Variants in TASP1 observed in about 807,000 individuals in gnomAD.
TASP1 encodes the protein taspase 1.
In TASP1, 16 loss-of-function variants were observed where a neutral mutation model predicts 56.6. The ratio of observed to expected loss-of-function variants is 0.28; its 90% CI spans 0.19 to 0.43. TASP1 has a LOEUF of 0.43. Among genes scored for constraint, TASP1 ranks in the 20% least tolerant of loss-of-function variants. TASP1 has a pLI of 1.00. For synonymous variants in TASP1, 179 were observed against 184.2 expected (o/e 0.97, Z 0.23); for missense variants, 393 against 511.6 (o/e 0.77, Z 2.24).
At chr20:13,185,973 C>G in the TASP1 span, among the ~76,000 whole-genome samples, 2 of 152,248 alleles carry the variant, frequency 1.3e-5, no homozygotes, top group South Asian at 4.1e-4. Flanking sequence ...ACTCCAAAAT[C>G]TGGGCATCCA....
At chr20:13,349,853 GT>G in the TASP1 span, among the ~76,000 whole-genome samples, 1 of 152,010 alleles carries the variant, frequency 6.6e-6, no homozygotes, top group Non-Finnish European at 1.5e-5. Flanking sequence ...AAATAATACG[GT>G]TTAAAAATTA....
At chr20:13,308,915 G>A in the TASP1 span, among the ~76,000 whole-genome samples, 4 of 152,110 alleles carry the variant, frequency 2.6e-5, no homozygotes, top group East Asian at 7.8e-4. Flanking sequence ...CACAAAATGA[G>A]AGGTCAGCAG....
At chr20:13,421,499 C>T (rs2091357412) in intron 12 of TASP1, among the ~76,000 whole-genome samples, 1 of 152,022 alleles carries the variant, frequency 6.6e-6, no homozygotes, top group Non-Finnish European at 1.5e-5. Context: ...ATTTAAAGAT[C>T]TCCTACAAAT....
At chr20:13,609,544 C>T (rs1465401379) in intron 4 of TASP1, among the ~76,000 whole-genome samples, 3 of 151,890 alleles carry the variant, frequency 2.0e-5, no homozygotes, top group African/African-American at 4.8e-5. Context: ...AAAAATTAGT[C>T]GGGCATGGCG....
the TASP1 span, chr20:13,288,669 G>C: frequency 2.5e-6 from 4 of 1,613,612 alleles, no homozygotes; most frequent in Non-Finnish European, 3.4e-6. Flanking sequence ...ACCTGTGACC[G>C]TCCAAACTGC....
intron 10 of TASP1, among the ~76,000 whole-genome samples, chr20:13,519,019 C>G (rs575039186): frequency 7.9e-5 from 12 of 152,098 alleles, no homozygotes; most frequent in African/African-American, 2.9e-4. Context: ...AAAAAATATC[C>G]CTTGCAGCAA....
intron 12 of TASP1, among the ~76,000 whole-genome samples, chr20:13,433,629 T>G (rs1334967167): frequency 6.6e-6 from 1 of 151,572 alleles, no homozygotes; most frequent in African/African-American, 2.4e-5. Context: ...AGAGATTTTA[T>G]GAAAATGTTT....
At chr20:13,476,502 A>G (rs912233334) in intron 11 of TASP1, among the ~76,000 whole-genome samples, 1 of 152,168 alleles carries the variant, frequency 6.6e-6, no homozygotes. Flanking sequence ...GCAAGTTCCT[A>G]TATTTCCTGA....
At chr20:13,322,968 T>C in the TASP1 span, among the ~76,000 whole-genome samples, 2 of 152,180 alleles carry the variant, frequency 1.3e-5, no homozygotes, top group African/African-American at 2.4e-5. Context: ...CTGGGATTAC[T>C]GTAGGAAGAG....
the TASP1 span, among the ~76,000 whole-genome samples, chr20:13,297,322 G>T: frequency 6.6e-6 from 1 of 152,256 alleles, no homozygotes; most frequent in Middle Eastern, 3.4e-3. Context: ...TCTCTATGCG[G>T]TTTCCCAGAT....
chr20:13,585,873 G>A (rs1292671472), intron 5 of TASP1, among the ~76,000 whole-genome samples: 2 of 152,094 alleles, frequency 1.3e-5, no homozygotes, highest in South Asian at 2.1e-4. Flanking sequence ...AGTGGCTCAC[G>A]CCTATAATCT....
At chr20:13,637,605 C>T (rs1185594099) in intron 1 of TASP1, among the ~76,000 whole-genome samples, 1 of 152,154 alleles carries the variant, frequency 6.6e-6, no homozygotes, top group East Asian at 1.9e-4. Flanking sequence ...ACCTTGAAAA[C>T]ATACTAACTG....
intron 1 of TASP1, among the ~76,000 whole-genome samples, chr20:13,635,648 A>G (rs1311962948): frequency 2.0e-5 from 3 of 152,278 alleles, no homozygotes; most frequent in Non-Finnish European, 2.9e-5. Context: ...TCAGCCTCCC[A>G]GACTGCTGAG....
chr20:13,563,399 G>A (rs982523870), intron 7 of TASP1, among the ~76,000 whole-genome samples: 3 of 151,818 alleles, frequency 2.0e-5, no homozygotes, highest in Admixed American at 6.6e-5. Flanking sequence ...AAGAGGAAAC[G>A]CTTCCAAAGT....
chr20:13,112,902 G>A, the TASP1 span, among the ~76,000 whole-genome samples: 3 of 152,158 alleles, frequency 2.0e-5, no homozygotes, highest in Admixed American at 6.5e-5. Context: ...TTCCCATAAG[G>A]CCAGGTGCAG....
chr20:13,460,270 A>G (rs2044006234), intron 11 of TASP1, among the ~76,000 whole-genome samples: 1 of 152,030 alleles, frequency 6.6e-6, no homozygotes, highest in Non-Finnish European at 1.5e-5. Context: ...CACTTACTTC[A>G]CTTGACTTTC....
chr20:13,224,673 G>A, the TASP1 span, among the ~76,000 whole-genome samples: 1 of 151,814 alleles, frequency 6.6e-6, no homozygotes, highest in Non-Finnish European at 1.5e-5. Flanking sequence ...TACCTGAATT[G>A]TAGTATGTTT....
At chr20:13,587,773 T>C (rs989071686) in intron 4 of TASP1, among the ~76,000 whole-genome samples, 1 of 151,238 alleles carries the variant, frequency 6.6e-6, no homozygotes. Flanking sequence ...TCCAACACCC[T>C]TTCATGAGAA....
At chr20:13,482,136 T>C (rs973372035) in intron 11 of TASP1, among the ~76,000 whole-genome samples, 5 of 152,172 alleles carry the variant, frequency 3.3e-5, no homozygotes, top group African/African-American at 4.8e-5. Flanking sequence ...CTTCTGCATA[T>C]GGATATCCAG....
Sources: gnomAD v4.1 joint callset for allele counts (sites outside exome capture counted in the v4.1 genomes callset) on GRCh38, gnomAD v4.1.1 for gene constraint, MANE v1.5 for transcripts, NCBI Gene and HGNC (gene_info 2026-07-23, HGNC 2026-07-21) for gene names.